AGBL4: variants seen among roughly 807,000 people sequenced by gnomAD.
AGBL4 encodes the protein AGBL carboxypeptidase 4, also known as cytosolic carboxypeptidase 6.
In AGBL4, 58 loss-of-function variants were observed where a neutral mutation model predicts 66.4. The observed-to-expected ratio is 0.87, with a 90% CI of 0.71 to 1.09. The LOEUF is 1.09. AGBL4 is among the 50% of genes least tolerant of loss of function. AGBL4 has a pLI of 0.00. For synonymous variants in AGBL4, 234 were observed against 222.9 expected (o/e 1.05, Z -0.44); for missense variants, 579 against 631.0 (o/e 0.92, Z 0.88).
At chr1:49,965,475 A>T (rs1657477896) in intron 1 of AGBL4, among the ~76,000 whole-genome samples, 1 of 152,294 alleles carries the variant, frequency 6.6e-6, no homozygotes, top group Non-Finnish European at 1.5e-5. Context: ...CTTCATAGTG[A>T]TAGTCCCTTT....
chr1:49,131,212 T>C (rs959445480), intron 4 of AGBL4, among the ~76,000 whole-genome samples: 1 of 152,014 alleles, frequency 6.6e-6, no homozygotes, highest in Non-Finnish European at 1.5e-5. Context: ...AGAATGTAGA[T>C]CAGTGGTTGC....
At chr1:48,749,743 A>T (rs1238798179) in intron 6 of AGBL4, among the ~76,000 whole-genome samples, 1 of 152,204 alleles carries the variant, frequency 6.6e-6, no homozygotes, top group Non-Finnish European at 1.5e-5. Context: ...TGGCCAGGGA[A>T]AACTGGACTG....
At chr1:49,416,565 T>C (rs1645430284) in intron 3 of AGBL4, among the ~76,000 whole-genome samples, 1 of 152,114 alleles carries the variant, frequency 6.6e-6, no homozygotes, top group South Asian at 2.1e-4. Flanking sequence ...TACAACATAA[T>C]GTTTAAGAGT....
intron 1 of AGBL4, among the ~76,000 whole-genome samples, chr1:49,970,708 AACACACACAC>A (rs373722460): frequency 4.7e-4 from 54 of 114,012 alleles, no homozygotes; most frequent in East Asian, 8.3e-4. Context: ...AAAAAAACAA[AACACACACAC>A]ACACACACAC....
intron 6 of AGBL4, among the ~76,000 whole-genome samples, chr1:48,853,483 GTACTTTAC>G (rs1335877630): frequency 1.3e-5 from 2 of 152,182 alleles, no homozygotes; most frequent in African/African-American, 4.8e-5. Context: ...TATGGGTCAT[GTACTTTAC>G]TACATTAGCC....
At chr1:48,535,395 C>G (rs972276531) in intron 12 of AGBL4, among the ~76,000 whole-genome samples, 2 of 152,170 alleles carry the variant, frequency 1.3e-5, no homozygotes, top group African/African-American at 4.8e-5. Flanking sequence ...TTCATCGCTC[C>G]TCACCCTGCT....
chr1:49,450,784 C>A (rs1646261632), intron 3 of AGBL4, among the ~76,000 whole-genome samples: 1 of 152,020 alleles, frequency 6.6e-6, no homozygotes, highest in African/African-American at 2.4e-5. Flanking sequence ...TTCAGTAAAT[C>A]TGCCTGATTC....
intron 5 of AGBL4, among the ~76,000 whole-genome samples, chr1:48,924,700 A>G (rs1654383315): frequency 6.6e-6 from 1 of 152,182 alleles, no homozygotes; most frequent in South Asian, 2.1e-4. Flanking sequence ...CAACTGTAGT[A>G]TAATTCTGCA....
downstream of AGBL4, among the ~76,000 whole-genome samples, chr1:48,528,573 A>G (rs1476738244): frequency 6.6e-6 from 1 of 152,022 alleles, no homozygotes; most frequent in Non-Finnish European, 1.5e-5. Context: ...GTTTGTATCC[A>G]GGGTCCACAT....
At chr1:49,180,086 A>G (rs1646903731) in intron 4 of AGBL4, among the ~76,000 whole-genome samples, 1 of 151,932 alleles carries the variant, frequency 6.6e-6, no homozygotes, top group South Asian at 2.1e-4. Flanking sequence ...TTTTTAGTAG[A>G]GACGAGGTTT....
chr1:48,611,434 G>T (rs1173159124), intron 9 of AGBL4, among the ~76,000 whole-genome samples: 1 of 152,266 alleles, frequency 6.6e-6, no homozygotes, highest in Non-Finnish European at 1.5e-5. Context: ...AGAGCTGCCT[G>T]TAGGACTGCA....
chr1:48,582,622 A>G (rs781252284), intron 11 of AGBL4, among the ~76,000 whole-genome samples: 4 of 152,218 alleles, frequency 2.6e-5, no homozygotes, highest in Non-Finnish European at 4.4e-5. Context: ...AGACAAGAAC[A>G]TTTGTTGAGT....
chr1:49,557,134 G>A (rs1395468351), intron 3 of AGBL4, among the ~76,000 whole-genome samples: 3 of 152,044 alleles, frequency 2.0e-5, no homozygotes, highest in Non-Finnish European at 4.4e-5. Flanking sequence ...TGCAGCCTTG[G>A]CCAGCCCAGA....
At chr1:48,818,002 G>T (rs1558015923) in intron 6 of AGBL4, 2 of 711,064 alleles carry the variant, frequency 2.8e-6, no homozygotes, top group Non-Finnish European at 5.2e-6. Flanking sequence ...CTGAGAGTCT[G>T]CAGTCTTACC....
chr1:49,918,160 T>C (rs1442890491), intron 1 of AGBL4, among the ~76,000 whole-genome samples: 1 of 151,922 alleles, frequency 6.6e-6, no homozygotes, highest in Non-Finnish European at 1.5e-5. Context: ...CATCCTAACA[T>C]CACAATTGAA....
At position 49,909,842 on chromosome 1, in the gene AGBL4, T is replaced by G. The variant is rs145804699; in HGVS notation, c.35-58324A>C. ...GAGAAAGAGAGGATTTAAGAATAACTTCAAGGTTTCTGGCTTGAAGAGCAT... is the reference window on the plus strand; with the variant it reads ...GAGAAAGAGAGGATTTAAGAATAACGTCAAGGTTTCTGGCTTGAAGAGCAT... On this transcript the variant is annotated intron_variant, in intron 1 of 13. Transcript: ENST00000371839. Among the ~76,000 whole-genome samples the G allele has an allele frequency of 2.2e-3, 341 of 152,318 alleles. 4 individuals carry two copies. Among genetic ancestry groups the G allele is most frequent in the African/African-American group, 7.9e-3 (328 of 41,566 alleles).
At chr1:48,560,896 T>A (rs1644386549) in intron 11 of AGBL4, among the ~76,000 whole-genome samples, 1 of 152,266 alleles carries the variant, frequency 6.6e-6, no homozygotes, top group Non-Finnish European at 1.5e-5. Context: ...CTCTACATTG[T>A]GTAGCTCTCA....
At chr1:48,570,638 C>T (rs1644547024) in intron 11 of AGBL4, among the ~76,000 whole-genome samples, 1 of 152,174 alleles carries the variant, frequency 6.6e-6, no homozygotes, top group African/African-American at 2.4e-5. Flanking sequence ...GTATCTGGCA[C>T]ATAGTAGGCA....
chr1:49,665,110 T>C (rs78726266), intron 3 of AGBL4, among the ~76,000 whole-genome samples: 8,084 of 152,158 alleles, frequency 0.053, 239 homozygotes, highest in African/African-American at 0.071. Context: ...TCCAGAGTGT[T>C]AGAAAACAGT....
Sources: allele counts gnomAD v4.1 joint callset (sites outside exome capture counted in the v4.1 genomes callset), GRCh38; gene constraint gnomAD v4.1.1; transcripts MANE v1.5; gene names NCBI Gene and HGNC (gene_info 2026-07-23, HGNC 2026-07-21).